The following COA8 variants were observed in gnomAD, a reference collection of about 807,000 sequenced individuals.
The protein encoded by COA8 is UPF0671 protein C14orf153.
COA8 carries 20 observed loss-of-function variants against 22.0 expected under a neutral mutation model. That is an observed-to-expected ratio of 0.91 (90% CI 0.64 to 1.32). COA8 has a LOEUF of 1.32. Among genes scored for constraint, COA8 ranks in the 40% most tolerant of loss-of-function variants. The pLI, the probability that COA8 is intolerant of heterozygous loss-of-function variation, is 0.00. For missense variants in COA8, 266 were observed against 230.0 expected, an observed-to-expected ratio of 1.16 and a Z score of -1.01; for synonymous variants, 105 against 79.9, an observed-to-expected ratio of 1.31 and a Z score of -1.68.
At chr14:103,572,686 C>T (rs1465018336) in intron 2 of COA8, among the ~76,000 whole-genome samples, 2 of 151,738 alleles carry the variant, frequency 1.3e-5, no homozygotes, top group Non-Finnish European at 2.9e-5. Flanking sequence ...GCCGAGAGCG[C>T]GCCATTGCAC....
chr14:103,581,026 C>T lies in COA8; in HGVS notation c.386-6248C>T, dbSNP rs2076263830. Among the ~76,000 whole-genome samples, 1 of 151,838 alleles carries T rather than the reference C, an allele frequency of 6.6e-6. No individual in the cohort carries two copies. The highest frequency in any genetic ancestry group is 2.1e-4 in the South Asian group (1 of 4,808). ...TTTTGGTCAGGCTGTTCTGGAACTC[C>T]CAACCTCAGGTGATCCGCCCGTCTT... On this transcript the variant is annotated intron_variant, in intron 3 of 4. Transcript: ENST00000409074. The surrounding 1 kb of genome is among the most constrained non-coding windows in gnomAD (Gnocchi z 4.1).
rs1314880709 is a variant in COA8, at chr14:103,581,896, AG to A, written c.386-5374del. Among the ~76,000 whole-genome samples, 1 of 152,144 alleles carries A rather than the reference AG, an allele frequency of 6.6e-6. No homozygotes were observed. The highest frequency in any genetic ancestry group is 1.5e-5 in the Non-Finnish European group (1 of 68,020). ...TGTTTGTTTCTGTCTGTGGGAATAA[AG>A]GGGTTGCCAGACACCCTCCCTGCTC... is the stretch of plus-strand genomic sequence containing the variant. On this transcript the variant is annotated intron_variant, in intron 3 of 4. Coordinates refer to ENST00000409074, the MANE Select transcript of COA8 (RefSeq NM_001370595.2). The surrounding 1 kb of genome is among the most constrained non-coding windows in gnomAD (Gnocchi z 4.1).
intron 1 of COA8, among the ~76,000 whole-genome samples, chr14:103,569,448 A>T (rs935455459): frequency 1.3e-5 from 2 of 152,262 alleles, no homozygotes; most frequent in African/African-American, 2.4e-5. Flanking sequence ...GTAGCCGAAC[A>T]CACTTGACAC....
intron 1 of COA8, 185 bp downstream of exon 1, chr14:103,563,309 C>T: frequency 1.2e-6 from 1 of 818,742 alleles, no homozygotes; most frequent in Non-Finnish European, 2.0e-6. Context: ...TCGGATGGGA[C>T]TGAGGGTGCC....
At chr14:103,567,072 T>G (rs75505618) in intron 1 of COA8, among the ~76,000 whole-genome samples, 109 of 152,264 alleles carry the variant, frequency 7.2e-4, no homozygotes, top group African/African-American at 2.6e-3. Context: ...CGCACCTGGC[T>G]GATTTTTAAA....
intron 1 of COA8, among the ~76,000 whole-genome samples, chr14:103,571,068 T>C (rs1183112643): frequency 6.6e-6 from 1 of 152,172 alleles, no homozygotes; most frequent in Non-Finnish European, 1.5e-5. Flanking sequence ...GTTGCAGATC[T>C]TGTGACCTCT....
chr14:103,575,630 A>G (rs2076224820), intron 3 of COA8, among the ~76,000 whole-genome samples: 1 of 152,198 alleles, frequency 6.6e-6, no homozygotes, highest in Non-Finnish European at 1.5e-5. Context: ...GGCCCAAAAG[A>G]ACAAATTTAG....
intron 3 of COA8, among the ~76,000 whole-genome samples, chr14:103,580,301 A>G (rs2076258171): frequency 6.6e-6 from 1 of 151,326 alleles, no homozygotes; most frequent in Admixed American, 6.6e-5. Context: ...TTATTACAAC[A>G]TTATATTTTA....
intron 3 of COA8, among the ~76,000 whole-genome samples, chr14:103,584,614 C>T (rs1417927058): frequency 6.6e-6 from 1 of 152,112 alleles, no homozygotes; most frequent in Non-Finnish European, 1.5e-5. Flanking sequence ...TTCAGAGTGG[C>T]CTGACCTATT....
chr14:103,588,128 A>AC (rs1379882111), intron 4 of COA8: 1 of 311,426 alleles, frequency 3.2e-6, no homozygotes, highest in Non-Finnish European at 5.9e-6. Context: ...AAAAAAAAAA[A>AC]AAAAAAAAAA....
Position 103,587,366 on chromosome 14 carries a change from T to C in COA8, c.476+2T>C. 2.5e-6 allele frequency: 4 copies of C among 1,605,132 alleles called. No homozygotes were observed. Among genetic ancestry groups the C allele is most frequent in the Non-Finnish European group, 3.4e-6 (4 of 1,173,388 alleles). On this transcript the variant is annotated splice_donor_variant, in intron 4 of 4. Transcript: ENST00000409074. LOFTEE classifies it high-confidence loss of function. ...TCAGAAGCACATGTATTATAACAGG[T>C]AGGTGTTTACTCTTTTCCTGAAAAT...
chr14:103,582,792 C>T (rs1324320945), intron 3 of COA8, among the ~76,000 whole-genome samples: 1 of 130,264 alleles, frequency 7.7e-6, no homozygotes, highest in East Asian at 2.3e-4. Flanking sequence ...CTAAATTCAC[C>T]CTTTTAAACT....
At chr14:103,568,532 CAT>C (rs1319235512) in intron 1 of COA8, among the ~76,000 whole-genome samples, 19 of 150,580 alleles carry the variant, frequency 1.3e-4, no homozygotes, top group African/African-American at 1.7e-4. Flanking sequence ...CACACATACA[CAT>C]ATACACACAC....
At chr14:103,589,053 A>G (rs1010116505) in intron 4 of COA8, among the ~76,000 whole-genome samples, 1 of 152,128 alleles carries the variant, frequency 6.6e-6, no homozygotes, top group African/African-American at 2.4e-5. Flanking sequence ...GATGGGCTTC[A>G]TGTTTTCTCT....
chr14:103,583,404 G>C (rs1407212927), intron 3 of COA8, among the ~76,000 whole-genome samples: 1 of 151,964 alleles, frequency 6.6e-6, no homozygotes, highest in African/African-American at 2.4e-5. Flanking sequence ...AGCTGGGTGT[G>C]GTGGCGGGCG....
chr14:103,582,487 T>G (rs2076275442), intron 3 of COA8, among the ~76,000 whole-genome samples: 1 of 152,024 alleles, frequency 6.6e-6, no homozygotes, highest in African/African-American at 2.4e-5. Context: ...GGGGCTGGAG[T>G]AGTCAGGCCG....
At chr14:103,568,018 AT>A (rs1234340215) in intron 1 of COA8, among the ~76,000 whole-genome samples, 1 of 152,140 alleles carries the variant, frequency 6.6e-6, no homozygotes, top group African/African-American at 2.4e-5. Context: ...TCCATGTAGA[AT>A]AGGGGGCTGG....
At chr14:103,571,495 G>T in intron 1 of COA8, 128 bp from the exon 2 acceptor site, 2 of 907,816 alleles carry the variant, frequency 2.2e-6, no homozygotes, top group East Asian at 2.6e-5. Context: ...CTGAGATCAC[G>T]CCACTACACT....
intron 1 of COA8, among the ~76,000 whole-genome samples, chr14:103,566,949 C>T (rs2076138984): frequency 6.6e-6 from 1 of 152,172 alleles, no homozygotes; most frequent in East Asian, 1.9e-4. Flanking sequence ...GCTCTGTTGC[C>T]CAGGCTGGAG....
Sources: gnomAD v4.1 joint callset for allele counts (sites outside exome capture counted in the v4.1 genomes callset) on GRCh38, gnomAD v4.1.1 for gene constraint, Gnocchi (gnomAD v3.1) non-coding constraint, MANE v1.5 for transcripts, NCBI Gene and HGNC (gene_info 2026-07-23, HGNC 2026-07-21) for gene names.